Variants in IFIT1B observed in about 807,000 individuals in gnomAD.
IFIT1B encodes the protein interferon induced protein with tetratricopeptide repeats 1B, also known as protein IFIT1 homolog B.
Under a neutral mutation model 2.5 loss-of-function variants are expected in IFIT1B, and 3 were observed. The ratio of observed to expected loss-of-function variants is 1.21; its 90% CI spans 0.55 to 3.14. IFIT1B has a LOEUF of 3.14. Among genes scored for constraint, IFIT1B ranks in the 30% most tolerant of loss-of-function variants. The probability of loss-of-function intolerance (pLI) is 0.03; values close to 1 mark genes in which losing one functional copy is unlikely to be tolerated. For missense variants in IFIT1B, 545 were observed against 556.5 expected (o/e 0.98, Z 0.21); for synonymous variants, 196 against 203.0 (o/e 0.97, Z 0.29).
chr10:89,382,226 G>T (rs1314729359), intron 1 of IFIT1B, among the ~76,000 whole-genome samples: 3 of 152,164 alleles, frequency 2.0e-5, no homozygotes, highest in Non-Finnish European at 2.9e-5. Context: ...GAGAGTAAGA[G>T]AAAATTTCAT....
intron 1 of IFIT1B, among the ~76,000 whole-genome samples, chr10:89,380,977 A>C (rs544983312): frequency 9.8e-5 from 15 of 152,348 alleles, no homozygotes; most frequent in African/African-American, 3.6e-4. Context: ...AAGATTGTGT[A>C]AATTGTGCAC....
At chr10:89,379,413 T>A (rs1844144873) in intron 1 of IFIT1B, among the ~76,000 whole-genome samples, 1 of 152,140 alleles carries the variant, frequency 6.6e-6, no homozygotes, top group East Asian at 1.9e-4. Context: ...TTATACTAGA[T>A]GTTAGAAAAT....
Position 89,383,923 on chromosome 10 carries a change from C to A in IFIT1B, c.610C>A (p.His204Asn). The change falls in exon 2 of 2, where the codon CAC becomes AAC. Residue 204 changes from histidine (H) to asparagine (N), a missense_variant. Coordinates refer to ENST00000371809, the MANE Select transcript of IFIT1B (RefSeq NM_001010987.2). The part of the protein sequence containing the change: ...ASGRNKAFSL[H>N]VLKRAVRLNP... Reference sequence around the variant, plus strand: ...AGGGAGGAATAAGGCATTTTCTCTGCACGTCCTAAAACGAGCTGTCAGGCT... The same window carrying A: ...AGGGAGGAATAAGGCATTTTCTCTGAACGTCCTAAAACGAGCTGTCAGGCT... The A allele has an allele frequency of 6.2e-7, 1 of 1,614,180 alleles. No homozygotes were observed. Among genetic ancestry groups the A allele is most frequent in the African/African-American group, 1.3e-5 (1 of 75,038 alleles).
At chr10:89,382,776 T>C (rs1346445570) in intron 1 of IFIT1B, among the ~76,000 whole-genome samples, 1 of 152,252 alleles carries the variant, frequency 6.6e-6, no homozygotes, top group African/African-American at 2.4e-5. Context: ...TTAGAAACCC[T>C]ACCACATTCT....
chr10:89,383,747 A>G lies in IFIT1B; in HGVS notation c.434A>G (p.Glu145Gly). Residue 145 changes from glutamate to glycine, a missense_variant, in exon 2 of 2, where the codon GAA becomes GGA. Coordinates refer to ENST00000371809, the MANE Select transcript of IFIT1B (RefSeq NM_001010987.2). ...RMECPEVDCE[E>G]GWALAKCGGK... is the part of the protein sequence containing the mutation. ...GAGTGTCCAGAGGTGGACTGTGAGG[A>G]AGGATGGGCCTTGGCGAAGTGTGGT... 1 of 1,614,128 alleles carries G rather than the reference A, an allele frequency of 6.2e-7. No individual in the cohort carries two copies. Among genetic ancestry groups the G allele is most frequent in the Non-Finnish European group, 8.5e-7 (1 of 1,180,020 alleles).
chr10:89,379,291 C>A (rs1844144056), intron 1 of IFIT1B, among the ~76,000 whole-genome samples: 1 of 152,186 alleles, frequency 6.6e-6, no homozygotes, highest in African/African-American at 2.4e-5. Flanking sequence ...AATGCAAATT[C>A]TCAGGCCCTA....
intron 1 of IFIT1B, among the ~76,000 whole-genome samples, chr10:89,379,842 G>A (rs906129040): frequency 1.6e-4 from 25 of 152,106 alleles, no homozygotes; most frequent in Non-Finnish European, 2.9e-5. Flanking sequence ...AGACCATCCT[G>A]ACTAACAAGG....
chr10:89,380,961 C>T (rs1008644869), intron 1 of IFIT1B, among the ~76,000 whole-genome samples: 2 of 152,142 alleles, frequency 1.3e-5, no homozygotes, highest in Non-Finnish European at 1.5e-5. Context: ...GGCAGGGCAG[C>T]CTTGTAAGAT....
Position 89,384,507 on chromosome 10 carries a change from A to G in IFIT1B, c.1194A>G (p.Ala398=). 6.2e-7 allele frequency: 1 copy of G among 1,614,022 alleles called. No homozygotes were observed. Among genetic ancestry groups the G allele is most frequent in the Non-Finnish European group, 8.5e-7 (1 of 1,179,870 alleles). Reference sequence around the variant, plus strand: ...ATCATGGGAAATCTCAAGATAAAGCAATTACCCATTATTTAAAAGGTTTGA... The same window carrying G: ...ATCATGGGAAATCTCAAGATAAAGCGATTACCCATTATTTAAAAGGTTTGA... The part of the protein sequence containing the change: ...QEHHGKSQDK[A]ITHYLKGLKI... Residue 398 remains alanine (A), a synonymous_variant, in exon 2 of 2, where the codon GCA becomes GCG. Coordinates refer to ENST00000371809, the MANE Select transcript of IFIT1B (RefSeq NM_001010987.2).
chr10:89,384,032 T>C lies in IFIT1B; in HGVS notation c.719T>C (p.Ile240Thr). ...EGQEAEGEKY[I>T]EEALTSISSQ... ...CAGGAAGCTGAAGGAGAAAAGTACA[T>C]TGAAGAAGCTCTGACCAGTATATCT... The change falls in exon 2 of 2, where the codon ATT becomes ACT. Residue 240 changes from isoleucine (I) to threonine (T), a missense_variant. By Grantham distance (89) the Ile-to-Thr change is moderately conservative. Transcript: ENST00000371809. 6.2e-7 allele frequency: 1 copy of C among 1,614,186 alleles called. No homozygotes were observed. The highest frequency in any genetic ancestry group is 1.1e-5 in the South Asian group (1 of 91,088).
At position 89,384,156 on chromosome 10, in the gene IFIT1B, A is replaced by G; in HGVS notation, c.843A>G (p.Thr281=). The change falls in exon 2 of 2, where the codon ACA becomes ACG. Residue 281 remains threonine (T), a synonymous_variant. Transcript: ENST00000371809. ...TCTTAAAAATGGCCTTGGAGACAAC[A>G]CCCACTTCTGCCTTCCTGCATCACC... The part of the protein sequence containing the change: ...LELLKMALET[T]PTSAFLHHQM... 6.2e-7 allele frequency: 1 copy of G among 1,614,190 alleles called. No homozygotes were observed.
rs1456556455 is a variant in IFIT1B, at chr10:89,384,631, G to T, written c.1318G>T (p.Val440Phe). ...CCAGAATGTACGGGTTGTGGAAAGTGTCAGCCTCCTTGGGCTTATCCACAA... is the reference window on the plus strand; with the variant it reads ...CCAGAATGTACGGGTTGTGGAAAGTTTCAGCCTCCTTGGGCTTATCCACAA... ...IHQNVRVVESVSLLGLIHKLK... is the reference protein window; with the variant it reads ...IHQNVRVVESFSLLGLIHKLK... The change falls in exon 2 of 2, where the codon GTC (valine) becomes TTC (phenylalanine). Residue 440 changes from valine (V) to phenylalanine (F), a missense_variant. Coordinates refer to ENST00000371809, the MANE Select transcript of IFIT1B (RefSeq NM_001010987.2). 1 of 1,614,222 alleles carries T rather than the reference G, an allele frequency of 6.2e-7. No individual in the cohort carries two copies.
chr10:89,383,813 C>A lies in IFIT1B; in HGVS notation c.500C>A (p.Ala167Asp), dbSNP rs369472118. 5.6e-6 allele frequency: 9 copies of A among 1,614,054 alleles called. No homozygotes were observed. The highest frequency in any genetic ancestry group is 7.6e-6 in the Non-Finnish European group (9 of 1,180,036). The change falls in exon 2 of 2, where the codon GCT (alanine) becomes GAT (aspartate). Residue 167 changes from alanine to aspartate, a missense_variant. By Grantham distance (126) the Ala-to-Asp change is moderately radical. Coordinates refer to ENST00000371809, the MANE Select transcript of IFIT1B (RefSeq NM_001010987.2). ...CGGGCCAAGACCTGCTTTGAAAAGG[C>A]TCTGGAAGGGAACCCTGAAAACCCT... ...YERAKTCFEK[A>D]LEGNPENPEF...
chr10:89,380,361 C>T (rs1844153943), intron 1 of IFIT1B, among the ~76,000 whole-genome samples: 2 of 151,752 alleles, frequency 1.3e-5, no homozygotes, highest in South Asian at 4.2e-4. Flanking sequence ...AAATGCCTCA[C>T]AAAACATGGT....
chr10:89,383,864 C>A lies in IFIT1B; in HGVS notation c.551C>A (p.Thr184Asn). The A allele has an allele frequency of 6.2e-7, 1 of 1,614,214 alleles. No homozygotes were observed. The highest frequency in any genetic ancestry group is 1.7e-5 in the Admixed American group (1 of 60,030). The change falls in exon 2 of 2, where the codon ACC becomes AAC. Residue 184 changes from threonine to asparagine, a missense_variant. By Grantham distance (65) the Thr-to-Asn change is moderately conservative. Transcript: ENST00000371809. Reference sequence around the variant, plus strand: ...GAATTCAATACTGGGTACGCAATCACCGTCTATCGCCTGGATAAATTTAAC... The same window carrying A: ...GAATTCAATACTGGGTACGCAATCAACGTCTATCGCCTGGATAAATTTAAC... Reference protein sequence around the residue: ...NPEFNTGYAITVYRLDKFNTA... With the variant: ...NPEFNTGYAINVYRLDKFNTA...
At position 89,378,801 on chromosome 10, in the gene IFIT1B, G is replaced by A. The variant is rs929803171; in HGVS notation, c.5+661G>A. Among the ~76,000 whole-genome samples the A allele has an allele frequency of 6.6e-5, 10 of 152,210 alleles. 1 individual carries two copies. Among genetic ancestry groups the A allele is most frequent in the African/African-American group, 2.4e-4 (10 of 41,460 alleles). On this transcript the variant is annotated intron_variant, in intron 1 of 1. Coordinates refer to ENST00000371809, the MANE Select transcript of IFIT1B (RefSeq NM_001010987.2). ...CTGTTACAGAGCTCGCTTAGTAAGG[G>A]TAGCTGGCTTAATAAAAGCAGCAAT...
At chr10:89,381,024 G>A (rs952728009) in intron 1 of IFIT1B, among the ~76,000 whole-genome samples, 4 of 152,134 alleles carry the variant, frequency 2.6e-5, no homozygotes, top group African/African-American at 9.7e-5. Context: ...CCAAAATCTA[G>A]TATACTTTTT....
chr10:89,383,993 T>C lies in IFIT1B; in HGVS notation c.680T>C (p.Leu227Pro), dbSNP rs1295583309. Residue 227 changes from leucine to proline, a missense_variant, in exon 2 of 2, where the codon CTT becomes CCT. Leu to Pro is a moderately conservative substitution (Grantham distance 98). Transcript: ENST00000371809. ...VYIRVLLALKLQDEGQEAEGE... is the reference protein window; with the variant it reads ...VYIRVLLALKPQDEGQEAEGE... Reference sequence around the variant, plus strand: ...ATTAGGGTTCTCCTTGCCCTGAAGCTTCAGGATGAAGGACAGGAAGCTGAA... The same window carrying C: ...ATTAGGGTTCTCCTTGCCCTGAAGCCTCAGGATGAAGGACAGGAAGCTGAA... The C allele has an allele frequency of 6.2e-7, 1 of 1,614,220 alleles. No individual in the cohort carries two copies. The highest frequency in any genetic ancestry group is 8.5e-7 in the Non-Finnish European group (1 of 1,180,028).
chr10:89,379,794 G>C (rs1844148894), intron 1 of IFIT1B, among the ~76,000 whole-genome samples: 1 of 152,100 alleles, frequency 6.6e-6, no homozygotes. Context: ...CAGCACTTTG[G>C]GAGGCCGAGA....
Sources: allele counts gnomAD v4.1 joint callset (sites outside exome capture counted in the v4.1 genomes callset), GRCh38; gene constraint gnomAD v4.1.1; transcripts MANE v1.5; gene names NCBI Gene and HGNC (gene_info 2026-07-23, HGNC 2026-07-21).